PTPRS: variants seen among roughly 807,000 people sequenced by gnomAD.
PTPRS encodes the protein protein tyrosine phosphatase receptor type S.
In PTPRS, 63 loss-of-function variants were observed where a neutral mutation model predicts 215.3. The ratio of observed to expected loss-of-function variants is 0.29; its 90% CI spans 0.24 to 0.36. PTPRS has a LOEUF of 0.36. Ranked by LOEUF, PTPRS falls within the 10% of genes least tolerant of loss-of-function variation. The pLI, the probability that PTPRS is intolerant of heterozygous loss-of-function variation, is 1.00. For missense variants in PTPRS, 2,258 were observed against 2,825.8 expected (o/e 0.80, Z 4.56); for synonymous variants, 1,404 against 1,191.4 (o/e 1.18, Z -3.68).
intron 4 of PTPRS, among the ~76,000 whole-genome samples, chr19:5,267,558 G>T (rs1405769214): frequency 6.6e-6 from 1 of 151,884 alleles, no homozygotes; most frequent in East Asian, 1.9e-4. Context: ...TTGGGAGGCT[G>T]AGGCAGAAGA....
intron 1 of PTPRS, among the ~76,000 whole-genome samples, chr19:5,335,621 T>A (rs1199360410): frequency 4.0e-5 from 6 of 151,640 alleles, no homozygotes; most frequent in African/African-American, 9.7e-5. Flanking sequence ...ATGGCAAAGA[T>A]CAAAAACAAC....
At position 5,215,618 on chromosome 19, in the gene PTPRS, C is replaced by T. The variant is rs1381276467; in HGVS notation, c.4097-23G>A. 7 of 1,558,300 alleles carry T rather than the reference C, an allele frequency of 4.5e-6. No individual in the cohort carries two copies. The South Asian group carries it at 6.0e-5, about 13-fold the overall frequency. On this transcript the variant is annotated intron_variant, in intron 26 of 37. Transcript: ENST00000262963. The stretch of plus-strand genomic sequence containing the variant: ...TGCCTACAGGGTGGAGCAGACCCCG[C>T]CGGGGTTGGTCACTTGGGGGGCCAG...
chr19:5,245,341 T>A (rs1054623738), intron 10 of PTPRS, among the ~76,000 whole-genome samples: 6 of 151,520 alleles, frequency 4.0e-5, no homozygotes, highest in Non-Finnish European at 8.8e-5. Flanking sequence ...CAGGCTGGAC[T>A]GCAGTAGTGC....
At chr19:5,305,749 AT>A (rs1237986166) in intron 1 of PTPRS, among the ~76,000 whole-genome samples, 31 of 65,562 alleles carry the variant, frequency 4.7e-4, no homozygotes, top group African/African-American at 2.2e-3. Context: ...ATAAATAAAT[AT>A]ATATATATAT....
chr19:5,329,766 TAAA>T (rs112162372), intron 1 of PTPRS, among the ~76,000 whole-genome samples: 1 of 118,980 alleles, frequency 8.4e-6, no homozygotes, highest in South Asian at 2.7e-4. Flanking sequence ...CTCCATCTCC[TAAA>T]AAAAAAAAAA....
intron 2 of PTPRS, among the ~76,000 whole-genome samples, chr19:5,275,582 G>A (rs1358892681): frequency 6.6e-6 from 1 of 151,768 alleles, no homozygotes; most frequent in Admixed American, 6.6e-5. Flanking sequence ...GAGGCCGGAG[G>A]ATCACCTGAG....
At chr19:5,234,886 G>A (rs569743502) in intron 13 of PTPRS, among the ~76,000 whole-genome samples, 1 of 151,774 alleles carries the variant, frequency 6.6e-6, no homozygotes, top group East Asian at 1.9e-4. Context: ...CCTACTATGT[G>A]TCAGGCAACT....
chr19:5,212,553 T>C, intron 30 of PTPRS, 62 bp from the exon 31 acceptor site: 1 of 1,524,810 alleles, frequency 6.6e-7, no homozygotes, highest in Non-Finnish European at 8.9e-7. Flanking sequence ...GTGCTGAAGA[T>C]GCCCAAGTGG....
rs139168938 is a variant in PTPRS, at chr19:5,255,903, C to T, written c.718+205G>A. Among the ~76,000 whole-genome samples, 12 of 152,284 alleles carry T rather than the reference C, an allele frequency of 7.9e-5. 1 individual carries two copies. The South Asian group carries it at 8.3e-4, about 11-fold the overall frequency. On this transcript the variant is annotated intron_variant, in intron 9 of 37. Transcript: ENST00000262963. ...TTCGTGTCTTTCTGGGTTTTGCGCT[C>T]GCTTGGCGGTTTTTTGTTTAGTTTG...
chr19:5,276,617 T>C (rs566023791), intron 2 of PTPRS, among the ~76,000 whole-genome samples: 117 of 151,538 alleles, frequency 7.7e-4, no homozygotes, highest in Admixed American at 2.1e-3. Context: ...CTCGGCTCAC[T>C]TCAAGCTCCG....
intron 11 of PTPRS, 112 bp from the exon 12 acceptor site, chr19:5,240,444 T>C (rs2145879100): frequency 1.8e-6 from 2 of 1,139,642 alleles, no homozygotes; most frequent in Middle Eastern, 2.8e-4. Flanking sequence ...GCTTCTAGAA[T>C]GTTCTTTTAT....
intron 4 of PTPRS, among the ~76,000 whole-genome samples, chr19:5,271,390 C>T (rs1599844509): frequency 6.7e-6 from 1 of 148,858 alleles, no homozygotes; most frequent in Non-Finnish European, 1.5e-5. Context: ...CATTATTACC[C>T]GATTTTTTTT....
Position 5,216,782 on chromosome 19 carries a change from CAAT to C in PTPRS, c.4049-18_4049-16del. ...GAGGCCTGAATCTGCAAACAGCAAA[CAAT>C]AAATAAATGAAAACATGCAGGGGGT... On this transcript the variant is annotated splice_polypyrimidine_tract_variant and intron_variant, in intron 25 of 37. Coordinates refer to ENST00000262963, the MANE Select transcript of PTPRS (RefSeq NM_002850.4). 3.9e-6 allele frequency: 6 copies of C among 1,544,584 alleles called. No individual in the cohort carries two copies. Among genetic ancestry groups the C allele is most frequent in the Non-Finnish European group, 5.3e-6 (6 of 1,136,656 alleles).
intron 11 of PTPRS, among the ~76,000 whole-genome samples, chr19:5,241,260 G>C (rs191618261): frequency 6.6e-6 from 1 of 152,158 alleles, no homozygotes; most frequent in East Asian, 1.9e-4. Context: ...AATTAGCAGG[G>C]AGATATGTGT....
intron 1 of PTPRS, among the ~76,000 whole-genome samples, chr19:5,316,230 CTT>C (rs2049872019): frequency 6.6e-6 from 1 of 151,850 alleles, no homozygotes; most frequent in South Asian, 2.1e-4. Flanking sequence ...TTTTAATACT[CTT>C]TTGGACACAG....
At chr19:5,271,243 T>C (rs941513969) in intron 4 of PTPRS, among the ~76,000 whole-genome samples, 1 of 152,182 alleles carries the variant, frequency 6.6e-6, no homozygotes, top group African/African-American at 2.4e-5. Flanking sequence ...GTAACAAGCA[T>C]CTTACTAAAC....
chr19:5,240,458 C>T (rs989977813), intron 11 of PTPRS, 126 bp from the exon 12 acceptor site: 13 of 973,594 alleles, frequency 1.3e-5, no homozygotes, highest in Middle Eastern at 3.3e-4. Context: ...CTTTTATTTT[C>T]CTGGGGACCT....
chr19:5,219,431 G>A lies in PTPRS; in HGVS notation c.3802C>T (p.Leu1268=), dbSNP rs773647868. 3.1e-6 allele frequency: 5 copies of A among 1,609,298 alleles called. No individual in the cohort carries two copies. The African/African-American group carries it at 6.7e-5, about 22-fold the overall frequency. ...AASPFSDPFQ[L]DNPDPQPIVD... ...ATGGGCTGGGGGTCCGGGTTATCCA[G>A]CTGGAAGGGGTCTGAGAAGGGACTG... is the stretch of plus-strand genomic sequence containing the variant. Residue 1268 remains leucine (L), a synonymous_variant, in exon 23 of 38, where the codon CTG becomes TTG. Coordinates refer to ENST00000262963, the MANE Select transcript of PTPRS (RefSeq NM_002850.4).
intron 9 of PTPRS, among the ~76,000 whole-genome samples, chr19:5,246,457 C>T (rs187959215): frequency 6.1e-4 from 93 of 152,334 alleles, no homozygotes; most frequent in African/African-American, 2.1e-3. Context: ...AATTTATCAG[C>T]GGTTTCTCAT....
Sources: allele counts gnomAD v4.1 joint callset (sites outside exome capture counted in the v4.1 genomes callset), GRCh38; gene constraint gnomAD v4.1.1; transcripts MANE v1.5; gene names NCBI Gene and HGNC (gene_info 2026-07-23, HGNC 2026-07-21).